The following KLRC1 variants were observed in gnomAD, a reference collection of about 807,000 sequenced individuals.
KLRC1 encodes the protein NKG2-A/NKG2-B type II integral membrane protein.
In KLRC1, 22 loss-of-function variants were observed where a neutral mutation model predicts 25.9. That is an observed-to-expected ratio of 0.85 (90% CI 0.61 to 1.21). The LOEUF is 1.21. KLRC1 is among the 50% of genes most tolerant of loss of function. The pLI is 0.00. For missense variants in KLRC1, 240 were observed against 272.2 expected, an observed-to-expected ratio of 0.88 and a Z score of 0.83; for synonymous variants, 77 against 93.1, an observed-to-expected ratio of 0.83 and a Z score of 0.99.
chr12:10,453,704 G>T (rs1864165583), upstream of KLRC1, among the ~76,000 whole-genome samples: 1 of 151,740 alleles, frequency 6.6e-6, no homozygotes, highest in Non-Finnish European at 1.5e-5. Context: ...CATTATAATA[G>T]AAAACATTCT....
upstream of KLRC1, chr12:10,453,457 A>G: frequency 4.9e-6 from 3 of 612,548 alleles, no homozygotes; most frequent in South Asian, 2.2e-4. Context: ...AATCAGTTTT[A>G]TCTCATCACA....
At chr12:10,448,552 A>C (rs1413987402) in intron 5 of KLRC1, among the ~76,000 whole-genome samples, 1 of 152,174 alleles carries the variant, frequency 6.6e-6, no homozygotes, top group Non-Finnish European at 1.5e-5. Flanking sequence ...CCCAATGACT[A>C]CCAGTGCACC....
chr12:10,450,700 T>G (rs1864105493), intron 2 of KLRC1, 121 bp from the exon 3 acceptor site: 3 of 658,896 alleles, frequency 4.6e-6, no homozygotes, highest in Non-Finnish European at 7.9e-6. Context: ...CCCCAAACCC[T>G]CATCTCCCAT....
In KLRC1 at chr12:10,451,131, G is replaced by C; in HGVS notation, c.26C>G (p.Ser9Ter). MDNQGVIY[S>*]DLNLPPNPKR... is the part of the protein sequence containing the mutation. ...TGGGTTTGGGGGCAGATTCAGGTCT[G>C]AGTAGATTACTCCTTGGTTATCCAT... is the stretch of plus-strand genomic sequence containing the variant. Residue 9 changes from serine (S) to a stop codon, truncating the protein, a stop_gained, in exon 2 of 7, where the codon TCA becomes TGA. Coordinates refer to ENST00000359151, the MANE Select transcript of KLRC1 (RefSeq NM_002259.5). LOFTEE classifies it high-confidence loss of function. The C allele has an allele frequency of 1.9e-6, 3 of 1,613,704 alleles. No individual in the cohort carries two copies. Among genetic ancestry groups the C allele is most frequent in the Non-Finnish European group, 2.5e-6 (3 of 1,179,846 alleles).
At chr12:10,452,746 T>C (rs929556493) in intron 1 of KLRC1, among the ~76,000 whole-genome samples, 2 of 152,198 alleles carry the variant, frequency 1.3e-5, no homozygotes, top group South Asian at 4.1e-4. Flanking sequence ...TTATGTAATC[T>C]ACCTCATTCT....
Position 10,446,643 on chromosome 12 carries a change from C to G in KLRC1, c.610G>C (p.Ala204Pro). 1 of 1,613,874 alleles carries G rather than the reference C, an allele frequency of 6.2e-7. No homozygotes were observed. Among genetic ancestry groups the G allele is most frequent in the South Asian group, 1.1e-5 (1 of 91,074 alleles). Residue 204 changes from alanine to proline, a missense_variant, in exon 7 of 7, where the codon GCT (alanine) becomes CCT (proline). Transcript: ENST00000359151. ...FKHEIKDSDN[A>P]ELNCAVLQVN... Reference sequence around the variant, plus strand: ...TGTAGCACTGCACAGTTAAGTTCAGCATTATCTGAGTCTTTTATCCTGTAA... The same window carrying G: ...TGTAGCACTGCACAGTTAAGTTCAGGATTATCTGAGTCTTTTATCCTGTAA...
chr12:10,445,281 C>G (rs142323616), downstream of KLRC1, among the ~76,000 whole-genome samples: 25 of 151,998 alleles, frequency 1.6e-4, no homozygotes, highest in African/African-American at 5.8e-4. Context: ...GAAACAAAGG[C>G]TGGTTTAACA....
Position 10,446,548 on chromosome 12 carries a change from C to A in KLRC1, c.*3G>T. 6.2e-7 allele frequency: 1 copy of A among 1,610,898 alleles called. No homozygotes were observed. The highest frequency in any genetic ancestry group is 8.5e-7 in the Non-Finnish European group (1 of 1,177,684). ...ATGCACTGCAAATGCAAACGCTTTA[C>A]CTCTAAAGCTTATGCTTACAATGAT... On this transcript the variant is annotated 3_prime_UTR_variant, in exon 7 of 7. Transcript: ENST00000359151.
At chr12:10,445,874 C>G (rs1863974648), downstream of KLRC1, among the ~76,000 whole-genome samples, 1 of 151,966 alleles carries the variant, frequency 6.6e-6, no homozygotes. Context: ...TTCAATCCCC[C>G]AAAATACAAA....
At chr12:10,450,432 A>G in intron 3 of KLRC1, 52 bp downstream of exon 3, 1 of 984,634 alleles carries the variant, frequency 1.0e-6, no homozygotes, top group Non-Finnish European at 1.6e-6. Context: ...TTAGAGGCAC[A>G]TTCAATCATT....
rs139182795 is a variant in KLRC1, at chr12:10,446,578, T to G, written c.675A>C (p.Ile225=). The part of the protein sequence containing the change: ...RLKSAQCGSS[I]IYHCKHKL ...AAAGCTTATGCTTACAATGATATAT[T>G]ATTGAAGATCCACACTGGGCTGATT... The change falls in exon 7 of 7, where the codon ATA becomes ATC. Residue 225 remains isoleucine, a synonymous_variant. Coordinates refer to ENST00000359151, the MANE Select transcript of KLRC1 (RefSeq NM_002259.5). 1.2e-6 allele frequency: 2 copies of G among 1,613,814 alleles called. No individual in the cohort carries two copies. Among genetic ancestry groups the G allele is most frequent in the Admixed American group, 1.7e-5 (1 of 60,026 alleles).
intron 6 of KLRC1, chr12:10,447,260 T>C: frequency 3.4e-6 from 1 of 293,888 alleles, no homozygotes; most frequent in African/African-American, 2.2e-5. Flanking sequence ...TGTTAGTGTA[T>C]TTTATGTGTG....
At chr12:10,450,676 C>T (rs932846549) in intron 2 of KLRC1, 97 bp from the exon 3 acceptor site, 7 of 771,782 alleles carry the variant, frequency 9.1e-6, no homozygotes, top group Non-Finnish European at 1.5e-5. Context: ...AGGAATCATA[C>T]AGAGAAACTT....
chr12:10,450,847 A>C (rs1380449215), intron 2 of KLRC1, 123 bp downstream of exon 2: 2 of 771,170 alleles, frequency 2.6e-6, no homozygotes, highest in Admixed American at 2.4e-5. Flanking sequence ...AGCATATCTC[A>C]ACTTGGAATT....
At position 10,451,355 on chromosome 12, in the gene KLRC1, T is replaced by G. The variant is rs569964181; in HGVS notation, c.-31-168A>C. 6 of 443,606 alleles carry G rather than the reference T, an allele frequency of 1.4e-5. No homozygotes were observed. The South Asian group carries it at 6.1e-4, about 45-fold the overall frequency. The allele number at this position is 443,606 out of a possible 1,614,324, so 27.5% of individuals were successfully genotyped here. A position where few individuals can be genotyped will look rare whatever the true frequency, so the allele number is the denominator to read the frequency against. On this transcript the variant is annotated intron_variant, in intron 1 of 6. Coordinates refer to ENST00000359151, the MANE Select transcript of KLRC1 (RefSeq NM_002259.5). ...CCTAAACACGTTTCTTATGAATATT[T>G]GTTTTAAAAAAAGATTTTTAGGCCG...
At chr12:10,446,881 G>C (rs1863997205) in intron 6 of KLRC1, among the ~76,000 whole-genome samples, 1 of 152,214 alleles carries the variant, frequency 6.6e-6, no homozygotes. Context: ...TGAAACGGCA[G>C]ATAGTGCAGA....
chr12:10,453,230 T>A lies in KLRC1; in HGVS notation c.-64A>T, dbSNP rs374670728. On this transcript the variant is annotated 5_prime_UTR_variant, in exon 1 of 7. Transcript: ENST00000359151. ...CCCCAGAAAGTCACACATCCTTTAG[T>A]GGAGAGGCCAGGTTAGTCTCATAAA... 1.0e-6 allele frequency: 1 copy of A among 985,224 alleles called. No individual in the cohort carries two copies. The allele number at this position is 985,224 out of a possible 1,614,324, so 61.0% of individuals were successfully genotyped here.
downstream of KLRC1, among the ~76,000 whole-genome samples, chr12:10,445,213 C>T (rs567349834): frequency 2.0e-5 from 3 of 152,054 alleles, no homozygotes; most frequent in South Asian, 2.1e-4. Flanking sequence ...CCACCACACC[C>T]GGCCAGCACT....
downstream of KLRC1, among the ~76,000 whole-genome samples, chr12:10,443,133 T>A (rs1351673579): frequency 2.8e-5 from 4 of 140,802 alleles, no homozygotes; most frequent in African/African-American, 1.1e-4. Context: ...ATTGTACTTT[T>A]AAAAATAACT....
Sources: gnomAD v4.1 joint callset for allele counts (sites outside exome capture counted in the v4.1 genomes callset) on GRCh38, gnomAD v4.1.1 for gene constraint, MANE v1.5 for transcripts, NCBI Gene and HGNC (gene_info 2026-07-23, HGNC 2026-07-21) for gene names.